Variants in HECW1 observed in about 807,000 individuals in gnomAD.
The protein encoded by HECW1 is HECT, C2 and WW domain containing E3 ubiquitin protein ligase 1.
A neutral mutation model predicts 182.3 loss-of-function variants in HECW1; 61 were observed. The ratio of observed to expected loss-of-function variants is 0.33; its 90% CI spans 0.27 to 0.41. The LOEUF (loss-of-function observed/expected upper bound fraction) is 0.41, where lower values mean the gene tolerates loss of function less well. Ranked by LOEUF, HECW1 falls within the 10% of genes least tolerant of loss-of-function variation. HECW1 has a pLI of 1.00. For missense variants in HECW1, 1,739 were observed against 2,108.9 expected, an observed-to-expected ratio of 0.82 and a Z score of 3.44; for synonymous variants, 859 against 832.6, an observed-to-expected ratio of 1.03 and a Z score of -0.55.
chr7:43,321,300 C>A lies in HECW1; in HGVS notation c.460+558C>A, dbSNP rs376439018. 3.9e-5 allele frequency among the ~76,000 whole-genome samples: 6 copies of A among 152,280 alleles called. No homozygotes were observed. The East Asian group carries it at 1.2e-3, about 29-fold the overall frequency. On this transcript the variant is annotated intron_variant, in intron 5 of 29. Transcript: ENST00000395891. Reference sequence around the variant, plus strand: ...CTACTGACATTTCTGAATGTATAAACTTTCTATCATATATCTTATTTATAT... The same window carrying A: ...CTACTGACATTTCTGAATGTATAAAATTTCTATCATATATCTTATTTATAT...
Position 43,299,789 on chromosome 7 carries a change from A to T in HECW1, c.28-11974A>T, listed in dbSNP as rs573270486. Among the ~76,000 whole-genome samples, 6 of 152,334 alleles carry T rather than the reference A, an allele frequency of 3.9e-5. No individual in the cohort carries two copies. The East Asian group carries it at 1.2e-3, about 29-fold the overall frequency. On this transcript the variant is annotated intron_variant, in intron 3 of 29. Transcript: ENST00000395891. ...TTCCTCCACACTCCCAGCCCACATC[A>T]CAGAGTCTTAGTGATCATTTCTCCT...
At chr7:43,446,887 T>C (rs1368404983) in intron 11 of HECW1, among the ~76,000 whole-genome samples, 1 of 152,196 alleles carries the variant, frequency 6.6e-6, no homozygotes, top group Non-Finnish European at 1.5e-5. Context: ...CAAGGATGTT[T>C]CGAGGACTTC....
intron 16 of HECW1, among the ~76,000 whole-genome samples, chr7:43,471,221 T>G (rs950737976): frequency 1.3e-5 from 2 of 152,130 alleles, no homozygotes; most frequent in Non-Finnish European, 2.9e-5. Context: ...GGGAATAGAT[T>G]GAGAAAAGTA....
At chr7:43,276,186 C>T (rs1310498889) in intron 3 of HECW1, among the ~76,000 whole-genome samples, 1 of 152,082 alleles carries the variant, frequency 6.6e-6, no homozygotes, top group African/African-American at 2.4e-5. Flanking sequence ...AACAACTATG[C>T]CAGGGACAGT....
At chr7:43,500,618 G>T in intron 19 of HECW1, 81 bp from the exon 20 acceptor site, 1 of 1,111,810 alleles carries the variant, frequency 9.0e-7, no homozygotes, top group Admixed American at 1.7e-5. Context: ...ATTGGAAGAG[G>T]AAATAAGAGA....
chr7:43,445,611 A>T, intron 11 of HECW1, 41 bp downstream of exon 11: 1 of 1,483,306 alleles, frequency 6.7e-7, no homozygotes, highest in South Asian at 1.4e-5. Context: ...TAGGACCATC[A>T]GGGGGACAAA....
rs1261057209 is a variant in HECW1, at chr7:43,320,762, T to C, written c.460+20T>C. The stretch of plus-strand genomic sequence containing the variant: ...TGGAACGTGAGTACCTTTACCATTC[T>C]TGTGGCTTGGCAGACATGGATGAAG... On this transcript the variant is annotated intron_variant, in intron 5 of 29. Transcript: ENST00000395891. 2 of 1,564,632 alleles carry C rather than the reference T, an allele frequency of 1.3e-6. No homozygotes were observed. Among genetic ancestry groups the C allele is most frequent in the Non-Finnish European group, 1.8e-6 (2 of 1,134,774 alleles).
In HECW1 at chr7:43,432,954, A is replaced by G. The variant is rs1030031817; in HGVS notation, c.802-5049A>G. Reference sequence around the variant, plus strand: ...AGTAAACAACACAAACAAAATAAATAACATCCTCCTATATTGCAGCACCAG... The same window carrying G: ...AGTAAACAACACAAACAAAATAAATGACATCCTCCTATATTGCAGCACCAG... On this transcript the variant is annotated intron_variant, in intron 8 of 29. Transcript: ENST00000395891. The surrounding 1 kb of genome is among the most constrained non-coding windows in gnomAD (Gnocchi z 4.1). 6.6e-6 allele frequency among the ~76,000 whole-genome samples: 1 copy of G among 152,254 alleles called. No individual in the cohort carries two copies. The highest frequency in any genetic ancestry group is 1.5e-5 in the Non-Finnish European group (1 of 68,040).
At chr7:43,360,742 C>T in intron 5 of HECW1, 144 bp from the exon 6 acceptor site, 1 of 680,346 alleles carries the variant, frequency 1.5e-6, no homozygotes, top group Non-Finnish European at 2.7e-6. Flanking sequence ...CTTGAGGCCA[C>T]ATGAGGAGCA....
intron 8 of HECW1, among the ~76,000 whole-genome samples, chr7:43,437,094 A>G (rs559277941): frequency 6.6e-6 from 1 of 152,252 alleles, no homozygotes; most frequent in East Asian, 1.9e-4. Flanking sequence ...TCCCTCCCCT[A>G]CCAGCCCACT....
At chr7:43,371,545 G>C (rs756882780) in intron 6 of HECW1, among the ~76,000 whole-genome samples, 1 of 151,864 alleles carries the variant, frequency 6.6e-6, no homozygotes, top group Non-Finnish European at 1.5e-5. Flanking sequence ...GATGATAAGA[G>C]AGTGAAAGAA....
intron 3 of HECW1, among the ~76,000 whole-genome samples, chr7:43,294,391 G>A (rs1348192830): frequency 1.3e-5 from 2 of 152,334 alleles, no homozygotes; most frequent in East Asian, 1.9e-4. Flanking sequence ...GGATGAGAGA[G>A]GGAGGGTGTT....
At chr7:43,422,142 G>A (rs555593630) in intron 8 of HECW1, among the ~76,000 whole-genome samples, 10 of 152,072 alleles carry the variant, frequency 6.6e-5, no homozygotes, top group Middle Eastern at 3.4e-3. Context: ...ACGTAATTGC[G>A]GTTTTGCCAT....
intron 16 of HECW1, among the ~76,000 whole-genome samples, chr7:43,472,834 C>T (rs1056676787): frequency 9.2e-5 from 14 of 152,034 alleles, no homozygotes; most frequent in Non-Finnish European, 2.9e-5. Flanking sequence ...TTCAAATTTC[C>T]CATCCTAAAA....
At chr7:43,520,854 T>C (rs1443200838) in intron 24 of HECW1, among the ~76,000 whole-genome samples, 3 of 152,180 alleles carry the variant, frequency 2.0e-5, no homozygotes. Context: ...ACTGTCTGCG[T>C]CTCTCCTTCC....
chr7:43,471,544 C>G (rs1042177835), intron 16 of HECW1, among the ~76,000 whole-genome samples: 1 of 152,224 alleles, frequency 6.6e-6, no homozygotes, highest in Non-Finnish European at 1.5e-5. Flanking sequence ...CAGAGGTAAG[C>G]AGCTCAGAGC....
At chr7:43,141,378 ACTG>A (rs1290511225) in intron 2 of HECW1, among the ~76,000 whole-genome samples, 1 of 152,174 alleles carries the variant, frequency 6.6e-6, no homozygotes, top group Admixed American at 6.5e-5. Context: ...ACCTCAGAGA[ACTG>A]CTGCACCTGG....
chr7:43,437,972 T>G, intron 8 of HECW1, 31 bp from the exon 9 acceptor site: 1 of 1,611,120 alleles, frequency 6.2e-7, no homozygotes, highest in Non-Finnish European at 8.5e-7. Context: ...AACCTCTCAG[T>G]TAATTGATGT....
At chr7:43,488,488 G>A (rs902802354) in intron 17 of HECW1, among the ~76,000 whole-genome samples, 8 of 112,704 alleles carry the variant, frequency 7.1e-5, no homozygotes, top group South Asian at 2.7e-4. Flanking sequence ...AAGAAAGAAA[G>A]AGAAAGAAAG....
Sources: gnomAD v4.1 joint callset for allele counts (sites outside exome capture counted in the v4.1 genomes callset) on GRCh38, gnomAD v4.1.1 for gene constraint, Gnocchi (gnomAD v3.1) non-coding constraint, MANE v1.5 for transcripts, NCBI Gene and HGNC (gene_info 2026-07-23, HGNC 2026-07-21) for gene names.